Variants in RPS6KC1 observed in about 807,000 individuals in gnomAD.
RPS6KC1 encodes the protein inactive ribosomal protein S6 kinase delta-1.
In RPS6KC1, 54 loss-of-function variants were observed where a neutral mutation model predicts 103.8. The observed-to-expected ratio is 0.52, with a 90% CI of 0.42 to 0.65. The LOEUF (loss-of-function observed/expected upper bound fraction) is 0.65. Ranked by LOEUF, RPS6KC1 falls within the 30% of genes least tolerant of loss-of-function variation. RPS6KC1 has a pLI of 0.00. For missense variants in RPS6KC1, 1,151 were observed against 1,253.8 expected, an observed-to-expected ratio of 0.92 and a Z score of 1.24; for synonymous variants, 439 against 438.7, an observed-to-expected ratio of 1.00 and a Z score of -0.01.
the RPS6KC1 span, among the ~76,000 whole-genome samples, chr1:213,708,474 T>C: frequency 6.6e-6 from 1 of 151,024 alleles, no homozygotes; most frequent in South Asian, 2.1e-4. Flanking sequence ...CAATTATGTC[T>C]TATCAGAGCC....
chr1:213,814,888 C>T, the RPS6KC1 span, among the ~76,000 whole-genome samples: 1 of 152,162 alleles, frequency 6.6e-6, no homozygotes, highest in African/African-American at 2.4e-5. Flanking sequence ...CTTGTTTCTG[C>T]AAGATTGAAT....
the RPS6KC1 span, among the ~76,000 whole-genome samples, chr1:213,448,354 G>T: frequency 6.6e-6 from 1 of 152,022 alleles, no homozygotes; most frequent in South Asian, 2.1e-4. Context: ...GATGGAAGCA[G>T]AGTCTCTGGG....
chr1:213,752,509 G>A, the RPS6KC1 span, among the ~76,000 whole-genome samples: 2 of 152,170 alleles, frequency 1.3e-5, no homozygotes, highest in Non-Finnish European at 2.9e-5. Flanking sequence ...GAATGGTCAG[G>A]GGAAAAGTGG....
chr1:213,796,713 A>C, the RPS6KC1 span, among the ~76,000 whole-genome samples: 1 of 152,212 alleles, frequency 6.6e-6, no homozygotes, highest in Admixed American at 6.5e-5. Context: ...AGGCACATTT[A>C]TCTTCCTACT....
chr1:213,275,372 G>A (rs550123056), downstream of RPS6KC1, among the ~76,000 whole-genome samples: 1 of 152,184 alleles, frequency 6.6e-6, no homozygotes, highest in Non-Finnish European at 1.5e-5. Context: ...GATCTTTATA[G>A]AAGGGTTTTT....
At chr1:213,491,335 G>T in the RPS6KC1 span, among the ~76,000 whole-genome samples, 1 of 152,064 alleles carries the variant, frequency 6.6e-6, no homozygotes, top group Non-Finnish European at 1.5e-5. Context: ...ATCCTTTGAG[G>T]CCAGGAGTTC....
the RPS6KC1 span, among the ~76,000 whole-genome samples, chr1:213,747,708 A>G: frequency 2.6e-3 from 391 of 152,342 alleles, 3 homozygotes; most frequent in African/African-American, 9.3e-3. Context: ...CAGAGGCAGA[A>G]ATTTTTTAGA....
chr1:213,070,862 G>A, intron 1 of RPS6KC1, 144 bp from the exon 2 acceptor site: 1 of 543,852 alleles, frequency 1.8e-6, no homozygotes, highest in South Asian at 2.4e-5. Context: ...TTATTATATA[G>A]CTGAGTTTTG....
chr1:213,687,753 G>A, the RPS6KC1 span, among the ~76,000 whole-genome samples: 149,110 of 152,300 alleles, frequency 0.98, 73,081 homozygotes, highest in Middle Eastern at 1. Context: ...TAATACAACC[G>A]TGATTATTTA....
chr1:213,459,684 G>T, the RPS6KC1 span, among the ~76,000 whole-genome samples: 3 of 152,088 alleles, frequency 2.0e-5, no homozygotes, highest in Admixed American at 6.6e-5. Flanking sequence ...TGATGTTAGG[G>T]TGTCGTTTTG....
the RPS6KC1 span, among the ~76,000 whole-genome samples, chr1:213,416,172 A>G: frequency 6.6e-6 from 1 of 152,184 alleles, no homozygotes; most frequent in Non-Finnish European, 1.5e-5. Flanking sequence ...GAGGGGAAGA[A>G]TGCTGAAGAC....
At chr1:213,829,637 G>C in the RPS6KC1 span, among the ~76,000 whole-genome samples, 3 of 152,122 alleles carry the variant, frequency 2.0e-5, no homozygotes. Flanking sequence ...CATTCAGATT[G>C]GTTTGTTGTA....
At chr1:213,713,399 T>A in the RPS6KC1 span, among the ~76,000 whole-genome samples, 1 of 152,242 alleles carries the variant, frequency 6.6e-6, no homozygotes, top group Admixed American at 6.5e-5. Context: ...TCATTAATCA[T>A]TTTTAATTCT....
the RPS6KC1 span, among the ~76,000 whole-genome samples, chr1:213,405,008 G>A: frequency 6.6e-6 from 1 of 152,172 alleles, no homozygotes; most frequent in Admixed American, 6.5e-5. Context: ...TCAATTCTGC[G>A]GCGTAACCCA....
At chr1:213,078,375 T>C (rs1057141473) in intron 3 of RPS6KC1, among the ~76,000 whole-genome samples, 4 of 152,146 alleles carry the variant, frequency 2.6e-5, no homozygotes, top group African/African-American at 7.2e-5. Context: ...ATGTTTTTTT[T>C]CTATAACTCT....
the RPS6KC1 span, among the ~76,000 whole-genome samples, chr1:213,811,186 G>A: frequency 6.6e-6 from 1 of 152,136 alleles, no homozygotes; most frequent in African/African-American, 2.4e-5. Flanking sequence ...CTAGAATGAG[G>A]CAATTACATT....
chr1:213,162,444 C>T (rs559776127), intron 6 of RPS6KC1, among the ~76,000 whole-genome samples: 5 of 151,876 alleles, frequency 3.3e-5, no homozygotes, highest in African/African-American at 1.2e-4. Flanking sequence ...CCAGGCCTGG[C>T]GAATTAAAAA....
the RPS6KC1 span, among the ~76,000 whole-genome samples, chr1:213,608,961 C>G: frequency 1.3e-5 from 2 of 151,818 alleles, no homozygotes; most frequent in South Asian, 4.1e-4. Flanking sequence ...AAATATTTGT[C>G]GACATTTATA....
Position 213,129,693 on chromosome 1 carries a change from G to A in RPS6KC1, c.639G>A (p.Gln213=). The A allele has an allele frequency of 6.2e-7, 1 of 1,614,044 alleles. No individual in the cohort carries two copies. The highest frequency in any genetic ancestry group is 8.5e-7 in the Non-Finnish European group (1 of 1,179,980). The part of the protein sequence containing the change: ...ALGAVASDSE[Q]SKTEEERESR... ...GGGCTGTTGCTTCTGACAGTGAACA[G>A]AGCAAAACAGAAGAAGAACGGGAAA... Residue 213 remains glutamine (Q), a synonymous_variant, in exon 6 of 15, where the codon CAG becomes CAA. Coordinates refer to ENST00000366960, the MANE Select transcript of RPS6KC1 (RefSeq NM_012424.6).
Sources: gnomAD v4.1 joint callset for allele counts (sites outside exome capture counted in the v4.1 genomes callset) on GRCh38, gnomAD v4.1.1 for gene constraint, MANE v1.5 for transcripts, NCBI Gene and HGNC (gene_info 2026-07-23, HGNC 2026-07-21) for gene names.